The following OLFM3 variants were observed in gnomAD, a reference collection of about 807,000 sequenced individuals.
The protein encoded by OLFM3 is noelin-3.
In OLFM3, 20 loss-of-function variants were observed where a neutral mutation model predicts 48.6. The observed-to-expected ratio is 0.41, with a 90% confidence interval of 0.29 to 0.60. The LOEUF (loss-of-function observed/expected upper bound fraction) is 0.60. Ranked by LOEUF, OLFM3 falls within the 20% of genes least tolerant of loss-of-function variation. The pLI is 0.28. For synonymous variants in OLFM3, 222 were observed against 198.1 expected (o/e 1.12, Z -1.01); for missense variants, 437 against 544.3 (o/e 0.80, Z 1.96).
At position 101,804,973 on chromosome 1, in the gene OLFM3, C is replaced by G. The variant is rs1380080253; in HGVS notation, c.700-58G>C. 16 of 1,354,428 alleles carry G rather than the reference C, an allele frequency of 1.2e-5. No individual in the cohort carries two copies. The highest frequency in any genetic ancestry group is 2.0e-5 in the Admixed American group (1 of 49,318). The allele number at this position is 1,354,428 out of a possible 1,614,324, so 83.9% of individuals were successfully genotyped here. ...TAAATTCTGTACTTTTCTGATAACCCCAAAAGAAAGACAGTGAGAGTCAAC... is the reference window on the plus strand; with the variant it reads ...TAAATTCTGTACTTTTCTGATAACCGCAAAAGAAAGACAGTGAGAGTCAAC... On this transcript the variant is annotated intron_variant, in intron 5 of 5. Coordinates refer to ENST00000370103, the MANE Select transcript of OLFM3 (RefSeq NM_058170.4). This position sits in a 1 kb window ranked among gnomAD's most constrained non-coding sequence, Gnocchi z 4.5.
At chr1:101,930,664 G>T (rs962371251) in intron 1 of OLFM3, among the ~76,000 whole-genome samples, 3 of 152,206 alleles carry the variant, frequency 2.0e-5, no homozygotes, top group African/African-American at 7.2e-5. Context: ...TGGATATGCA[G>T]ATTATAGCAG....
At chr1:101,839,311 A>G (rs1158635071) in intron 1 of OLFM3, among the ~76,000 whole-genome samples, 1 of 152,206 alleles carries the variant, frequency 6.6e-6, no homozygotes, top group Non-Finnish European at 1.5e-5. Flanking sequence ...CAAATTAGAT[A>G]AGATCTTAGA....
intron 1 of OLFM3, among the ~76,000 whole-genome samples, chr1:101,871,670 A>C (rs968796239): frequency 2.0e-5 from 3 of 152,052 alleles, no homozygotes; most frequent in Admixed American, 6.6e-5. Flanking sequence ...CAAACCAAAC[A>C]AATCATATTT....
chr1:101,819,045 T>C (rs1418083207), intron 4 of OLFM3, among the ~76,000 whole-genome samples: 1 of 152,124 alleles, frequency 6.6e-6, no homozygotes, highest in Non-Finnish European at 1.5e-5. Context: ...GGGCATTTTC[T>C]GTAAAATATG....
intron 1 of OLFM3, among the ~76,000 whole-genome samples, chr1:101,881,009 C>G (rs1228531916): frequency 2.6e-5 from 4 of 151,828 alleles, no homozygotes. Flanking sequence ...ATAAAATATG[C>G]AAGTCTTCAG....
intron 1 of OLFM3, among the ~76,000 whole-genome samples, chr1:101,947,289 T>G (rs774327737): frequency 6.6e-6 from 1 of 152,328 alleles, no homozygotes; most frequent in Non-Finnish European, 1.5e-5. Flanking sequence ...GAAAATCAAC[T>G]GGAATATCAA....
At chr1:101,808,684 G>A (rs374918155) in intron 4 of OLFM3, among the ~76,000 whole-genome samples, 23 of 151,978 alleles carry the variant, frequency 1.5e-4, no homozygotes, top group African/African-American at 4.8e-4. Context: ...ACACAATGAC[G>A]TTGGTGGTTT....
At position 101,804,695 on chromosome 1, in the gene OLFM3, C is replaced by T. The variant is rs76489559; in HGVS notation, c.920G>A (p.Ser307Asn). 4 of 1,612,484 alleles carry T rather than the reference C, an allele frequency of 2.5e-6. No individual in the cohort carries two copies. In the East Asian group the frequency reaches 6.7e-5, roughly 27 times the overall value. Reference sequence around the variant, plus strand: ...ATTATGAAAACCAGCATACTCCAGGCTTCGTTGGGCAAGCACTCTCCCCAT... The same window carrying T: ...ATTATGAAAACCAGCATACTCCAGGTTTCGTTGGGCAAGCACTCTCCCCAT... ...FDMGRVLAQR[S>N]LEYAGFHNVY... The change falls in exon 6 of 6, where the codon AGC (serine) becomes AAC (asparagine). Residue 307 changes from serine (S) to asparagine (N), a missense_variant. Ser to Asn is a conservative substitution (Grantham distance 46). Coordinates refer to ENST00000370103, the MANE Select transcript of OLFM3 (RefSeq NM_058170.4). The surrounding 1 kb of genome is among the most constrained non-coding windows in gnomAD (Gnocchi z 4.5).
rs1262990049 is a variant in OLFM3 at position 101,984,303 on chromosome 1, T to G, written c.69+12445A>C. 5.9e-5 allele frequency among the ~76,000 whole-genome samples: 9 copies of G among 151,678 alleles called. No homozygotes were observed. The South Asian group carries it at 1.7e-3, about 28-fold the overall frequency. Reference sequence around the variant, plus strand: ...TTGCAGGTGAGATTTTATGGGCAGATTTTTACCTAACAACAAAATGATTTA... The same window carrying G: ...TTGCAGGTGAGATTTTATGGGCAGAGTTTTACCTAACAACAAAATGATTTA... On this transcript the variant is annotated intron_variant, in intron 1 of 5. Coordinates refer to ENST00000370103, the MANE Select transcript of OLFM3 (RefSeq NM_058170.4).
At chr1:101,942,681 TC>T (rs1280038995) in intron 1 of OLFM3, among the ~76,000 whole-genome samples, 1 of 152,174 alleles carries the variant, frequency 6.6e-6, no homozygotes, top group African/African-American at 2.4e-5. Context: ...GGTGAACTGA[TC>T]TTTGATGCAT....
chr1:101,854,162 AT>A (rs1272684664), intron 1 of OLFM3, among the ~76,000 whole-genome samples: 1 of 106,794 alleles, frequency 9.4e-6, no homozygotes. Context: ...GAAAAGACAG[AT>A]TTAAAAAAAA....
intron 1 of OLFM3, among the ~76,000 whole-genome samples, chr1:101,918,020 T>C (rs192463381): frequency 4.6e-5 from 7 of 152,314 alleles, no homozygotes; most frequent in South Asian, 2.1e-4. Context: ...GTTCTTCCCT[T>C]TGGGAGTTTC....
At chr1:101,913,178 A>G (rs904854856) in intron 1 of OLFM3, among the ~76,000 whole-genome samples, 3 of 152,190 alleles carry the variant, frequency 2.0e-5, no homozygotes, top group African/African-American at 7.2e-5. Context: ...ACTTAGTCAT[A>G]ATTGCACCAT....
At chr1:101,887,809 G>C (rs1416930639) in intron 1 of OLFM3, among the ~76,000 whole-genome samples, 1 of 151,456 alleles carries the variant, frequency 6.6e-6, no homozygotes, top group East Asian at 1.9e-4. Flanking sequence ...AAATCCCACA[G>C]CTGAGCACAT....
intron 1 of OLFM3, among the ~76,000 whole-genome samples, chr1:101,872,999 T>G (rs932958905): frequency 5.9e-5 from 9 of 151,978 alleles, no homozygotes; most frequent in Non-Finnish European, 1.2e-4. Flanking sequence ...AGCTGAAAAT[T>G]TATGTTTCAG....
chr1:101,976,936 G>A (rs1043748401), intron 1 of OLFM3, among the ~76,000 whole-genome samples: 1 of 152,136 alleles, frequency 6.6e-6, no homozygotes, highest in Non-Finnish European at 1.5e-5. Context: ...TACAAAGTGG[G>A]AAGGTGAGTT....
intron 4 of OLFM3, among the ~76,000 whole-genome samples, chr1:101,807,510 C>A (rs1653831877): frequency 1.3e-5 from 2 of 151,708 alleles, no homozygotes; most frequent in Admixed American, 1.3e-4. Flanking sequence ...AAATCAAAGA[C>A]AAACTAACTA....
chr1:101,817,204 G>T (rs758241343), intron 4 of OLFM3, among the ~76,000 whole-genome samples: 24 of 152,114 alleles, frequency 1.6e-4, no homozygotes, highest in Non-Finnish European at 2.9e-5. Flanking sequence ...AAGGGAGCCA[G>T]ACAGAGAGGA....
intron 1 of OLFM3, among the ~76,000 whole-genome samples, chr1:101,921,171 TTAGA>T (rs972401191): frequency 2.0e-5 from 3 of 150,652 alleles, no homozygotes; most frequent in African/African-American, 4.9e-5. Flanking sequence ...AATTAAATTA[TTAGA>T]TAGTTGACAA....
Sources: gnomAD v4.1 joint callset for allele counts (sites outside exome capture counted in the v4.1 genomes callset) on GRCh38, gnomAD v4.1.1 for gene constraint, Gnocchi (gnomAD v3.1) non-coding constraint, MANE v1.5 for transcripts, NCBI Gene and HGNC (gene_info 2026-07-23, HGNC 2026-07-21) for gene names.